Variants in DSCAM observed in about 807,000 individuals in gnomAD.
DSCAM encodes DS cell adhesion molecule, also known as cell adhesion molecule DSCAM.
DSCAM carries 47 observed loss-of-function variants against 217.7 expected under a neutral mutation model. That is an observed-to-expected ratio of 0.22 (90% CI 0.17 to 0.28). DSCAM has a LOEUF of 0.28. DSCAM is among the 10% of genes least tolerant of loss of function. The pLI, the probability that DSCAM is intolerant of heterozygous loss-of-function variation, is 1.00. For synonymous variants in DSCAM, 1,056 were observed against 1,015.3 expected (o/e 1.04, Z -0.76); for missense variants, 2,080 against 2,618.3 (o/e 0.79, Z 4.49).
chr21:40,691,852 C>G (rs2090540861), intron 3 of DSCAM, among the ~76,000 whole-genome samples: 1 of 152,168 alleles, frequency 6.6e-6, no homozygotes, highest in African/African-American at 2.4e-5. Flanking sequence ...TGGTGGTGTA[C>G]AGTAACCAAC....
At chr21:40,717,284 C>A (rs1036651679) in intron 1 of DSCAM, among the ~76,000 whole-genome samples, 1 of 152,136 alleles carries the variant, frequency 6.6e-6, no homozygotes. Context: ...GTGTCAGGTG[C>A]CAAGCTAAAA....
Position 40,089,058 on chromosome 21 carries a change from C to G in DSCAM, c.3851-1771G>C, listed in dbSNP as rs149797503. 2.2e-3 allele frequency among the ~76,000 whole-genome samples: 337 copies of G among 152,250 alleles called. 1 individual carries two copies. The highest frequency in any genetic ancestry group is 7.8e-3 in the African/African-American group (326 of 41,550). ...TGTTCTTTAACATTCTGGGCATAAC[C>G]CCTCAAATTAACTCCAGGACTTATG... On this transcript the variant is annotated intron_variant, in intron 21 of 32. Transcript: ENST00000400454.
rs983065383 is a variant in DSCAM at position 40,771,751 on chromosome 21, TTTTA to T, written c.44-62984_44-62981del. ...TAGGTAAAACTCTGAATCCAACTTG[TTTTA>T]TTTGTGATGCTATTGTTACAGCCTC... On this transcript the variant is annotated intron_variant, in intron 1 of 32. Transcript: ENST00000400454. Among the ~76,000 whole-genome samples the T allele has an allele frequency of 1.7e-3, 257 of 152,344 alleles. 4 individuals are homozygous for T. The highest frequency in any genetic ancestry group is 4.4e-4 in the Non-Finnish European group (30 of 68,034).
At chr21:40,242,213 G>A (rs541702802) in intron 11 of DSCAM, among the ~76,000 whole-genome samples, 34 of 151,814 alleles carry the variant, frequency 2.2e-4, no homozygotes, top group African/African-American at 7.2e-4. Context: ...AGGAATGAAT[G>A]AACAAATGGA....
chr21:40,420,172 G>C (rs928806708), intron 3 of DSCAM, among the ~76,000 whole-genome samples: 1 of 152,126 alleles, frequency 6.6e-6, no homozygotes. Flanking sequence ...TAATCACAAT[G>C]TAACACTGGT....
intron 8 of DSCAM, among the ~76,000 whole-genome samples, chr21:40,334,805 G>A (rs945257498): frequency 2.0e-5 from 3 of 151,954 alleles, no homozygotes; most frequent in Non-Finnish European, 2.9e-5. Context: ...GTCCCACCTT[G>A]CCTGGCTAAA....
At chr21:40,506,557 A>C (rs1384173607) in intron 3 of DSCAM, among the ~76,000 whole-genome samples, 1 of 152,244 alleles carries the variant, frequency 6.6e-6, no homozygotes, top group Admixed American at 6.5e-5. Context: ...CCCCAGATTC[A>C]GGAGAGTTAG....
chr21:40,518,976 T>C (rs2076337497), intron 3 of DSCAM, among the ~76,000 whole-genome samples: 1 of 152,128 alleles, frequency 6.6e-6, no homozygotes, highest in Non-Finnish European at 1.5e-5. Context: ...TTGTAGGTAA[T>C]TGGAACATAA....
intron 9 of DSCAM, among the ~76,000 whole-genome samples, chr21:40,297,499 TA>T (rs1039265689): frequency 1.3e-5 from 2 of 152,140 alleles, no homozygotes; most frequent in African/African-American, 4.8e-5. Flanking sequence ...CCTTGCAAGA[TA>T]CAGAATTCTT....
intron 3 of DSCAM, among the ~76,000 whole-genome samples, chr21:40,462,560 A>C (rs2075814466): frequency 1.3e-5 from 2 of 152,208 alleles, no homozygotes; most frequent in Admixed American, 1.3e-4. Flanking sequence ...ATGGAATTAG[A>C]ATGCTTAGGC....
chr21:40,445,371 G>A (rs1204979037), intron 3 of DSCAM, among the ~76,000 whole-genome samples: 1 of 152,214 alleles, frequency 6.6e-6, no homozygotes, highest in Non-Finnish European at 1.5e-5. Context: ...TTCTGTTGGA[G>A]ACTGGTGACT....
chr21:40,093,685 A>G (rs2089639235), intron 21 of DSCAM, 36 bp downstream of exon 21: 1 of 1,611,984 alleles, frequency 6.2e-7, no homozygotes, highest in African/African-American at 1.3e-5. Context: ...CAGTCAAGTT[A>G]CAACAGGAAA....
At chr21:40,403,076 C>T (rs1469403240) in intron 3 of DSCAM, among the ~76,000 whole-genome samples, 1 of 152,060 alleles carries the variant, frequency 6.6e-6, no homozygotes, top group Admixed American at 6.6e-5. Flanking sequence ...AACATGCCAA[C>T]CTTGTATCAT....
At chr21:40,652,362 A>C (rs1178792177) in intron 3 of DSCAM, among the ~76,000 whole-genome samples, 1 of 144,614 alleles carries the variant, frequency 6.9e-6, no homozygotes, top group Non-Finnish European at 1.5e-5. Flanking sequence ...AAAAAAAAAA[A>C]CAACTTCTAG....
chr21:40,831,081 C>A (rs1297698998), intron 1 of DSCAM, among the ~76,000 whole-genome samples: 1 of 152,184 alleles, frequency 6.6e-6, no homozygotes, highest in Non-Finnish European at 1.5e-5. Context: ...TGCAGAGGGG[C>A]CAACCAGGCA....
intron 16 of DSCAM, among the ~76,000 whole-genome samples, chr21:40,146,488 T>G (rs929326225): frequency 6.6e-6 from 1 of 152,216 alleles, no homozygotes; most frequent in African/African-American, 2.4e-5. Context: ...CAAACACTTA[T>G]GGATTGCCTA....
intron 11 of DSCAM, among the ~76,000 whole-genome samples, chr21:40,212,126 C>G (rs778671849): frequency 6.6e-6 from 1 of 151,848 alleles, no homozygotes; most frequent in East Asian, 2.0e-4. Flanking sequence ...TGCACCACCA[C>G]GCCTGGCTAA....
chr21:40,395,147 T>C (rs1202568447), intron 3 of DSCAM, among the ~76,000 whole-genome samples: 10 of 152,208 alleles, frequency 6.6e-5, no homozygotes, highest in Admixed American at 6.5e-4. Flanking sequence ...AACTTCTTCC[T>C]CCCTTTCCTC....
At chr21:40,751,607 T>C (rs1366200888) in intron 1 of DSCAM, among the ~76,000 whole-genome samples, 1 of 152,166 alleles carries the variant, frequency 6.6e-6, no homozygotes, top group Non-Finnish European at 1.5e-5. Context: ...TAGCAAAATA[T>C]TACTTAAGGC....
Sources: allele counts gnomAD v4.1 joint callset (sites outside exome capture counted in the v4.1 genomes callset), GRCh38; gene constraint gnomAD v4.1.1; transcripts MANE v1.5; gene names NCBI Gene and HGNC (gene_info 2026-07-23, HGNC 2026-07-21).